Variants in KATNAL2 observed in about 807,000 individuals in gnomAD.
The protein encoded by KATNAL2 is katanin p60 ATPase-containing subunit A-like 2.
In KATNAL2, 52 loss-of-function variants were observed where a neutral mutation model predicts 76.3. That is an observed-to-expected ratio of 0.68 (90% CI 0.55 to 0.86). The LOEUF (loss-of-function observed/expected upper bound fraction) is 0.86. KATNAL2 is among the 40% of genes least tolerant of loss of function. KATNAL2 has a pLI of 0.00. For synonymous variants in KATNAL2, 243 were observed against 244.2 expected (o/e 1.00, Z 0.05); for missense variants, 660 against 668.9 (o/e 0.99, Z 0.15).
intron 6 of KATNAL2, chr18:47,054,706 A>G (rs888703937): frequency 5.3e-6 from 2 of 377,844 alleles, no homozygotes; most frequent in Non-Finnish European, 9.4e-6. Flanking sequence ...CTTAACCTCA[A>G]AGGTTAAAAG....
intron 3 of KATNAL2, among the ~76,000 whole-genome samples, chr18:47,043,565 T>C (rs1001143972): frequency 4.6e-5 from 7 of 152,152 alleles, no homozygotes; most frequent in African/African-American, 1.7e-4. Flanking sequence ...ATTCAGTTTC[T>C]AGGGGATCCA....
chr18:47,043,245 A>AAAAAAAAAAAAAAAAAAAAGAT (rs376877321), intron 3 of KATNAL2, among the ~76,000 whole-genome samples: 1 of 93,176 alleles, frequency 1.1e-5, no homozygotes, highest in Non-Finnish European at 2.1e-5. Flanking sequence ...AAAAAAAAAA[A>AAAAAAAAAAAAAAAAAAAAGAT]GAGATCCTAA....
rs1233743485 is a variant in KATNAL2, at chr18:46,946,219, G to GA, written c.-340dup. 8.7e-5 allele frequency: 93 copies of GA among 1,073,338 alleles called. No individual in the cohort carries two copies. Among genetic ancestry groups the GA allele is most frequent in the Non-Finnish European group, 9.9e-5 (87 of 878,512 alleles). The allele number at this position is 1,073,338 out of a possible 1,614,324, so 66.5% of individuals were successfully genotyped here. ...TGAAGAAACAGACTAGTTAACACAT[G>GA]AAAAAAATAGAGCAGAGGAAAACAC... On this transcript the variant is annotated 5_prime_UTR_variant, in exon 2 of 18. An upstream open reading frame in the 5' UTR gains an earlier in-frame stop. Coordinates refer to ENST00000683218, the MANE Select transcript of KATNAL2 (RefSeq NM_001387690.1).
At chr18:46,961,096 T>C (rs955792139) in intron 3 of KATNAL2, among the ~76,000 whole-genome samples, 1 of 152,260 alleles carries the variant, frequency 6.6e-6, no homozygotes, top group African/African-American at 2.4e-5. Context: ...TGCTTCCTCA[T>C]ACAATGTCTG....
intron 3 of KATNAL2, among the ~76,000 whole-genome samples, chr18:46,958,965 T>C (rs552299263): frequency 6.6e-6 from 1 of 152,232 alleles, no homozygotes; most frequent in African/African-American, 2.4e-5. Context: ...CCTTTTATAT[T>C]ACAAAATATC....
At chr18:46,954,816 G>T (rs1326054066) in intron 3 of KATNAL2, among the ~76,000 whole-genome samples, 1 of 151,562 alleles carries the variant, frequency 6.6e-6, no homozygotes, top group Non-Finnish European at 1.5e-5. Flanking sequence ...GCTAATTTTC[G>T]TATTTTATTT....
Position 46,917,716 on chromosome 18 carries a change from C to T in KATNAL2, c.-720C>T, listed in dbSNP as rs886369365. The T allele has an allele frequency of 3.0e-5, 9 of 297,228 alleles. 1 individual carries two copies. Among genetic ancestry groups the T allele is most frequent in the Middle Eastern group, 3.4e-3 (2 of 580 alleles). 18.4% of individuals were successfully genotyped at this position (297,228 alleles called of 1,614,324 possible). On this transcript the variant is annotated 5_prime_UTR_variant, in exon 1 of 18. Coordinates refer to ENST00000683218, the MANE Select transcript of KATNAL2 (RefSeq NM_001387690.1). ...CCCCGGCGGAGGCCCCTGCGGACTG[C>T]CTAGAGCTGGGTCGCAACTGAGGCG... is the stretch of plus-strand genomic sequence containing the variant.
chr18:47,032,663 G>GA (rs60364237), intron 3 of KATNAL2: 4,073 of 323,472 alleles, frequency 0.013, 1 homozygote, highest in East Asian at 0.029. Flanking sequence ...ACTTGATTTC[G>GA]AAAAAAAAAA....
intron 3 of KATNAL2, chr18:47,034,821 A>T: frequency 6.2e-7 from 1 of 1,612,036 alleles, no homozygotes; most frequent in South Asian, 1.1e-5. Context: ...TGGGCTCGCG[A>T]CTGTGAGACC....
intron 3 of KATNAL2, among the ~76,000 whole-genome samples, chr18:46,961,407 G>A (rs2059945552): frequency 6.6e-6 from 1 of 152,306 alleles, no homozygotes; most frequent in Non-Finnish European, 1.5e-5. Flanking sequence ...CTCTGTACAT[G>A]ATAGAGTGAC....
chr18:46,965,679 C>T (rs1238080942), intron 3 of KATNAL2, among the ~76,000 whole-genome samples: 2 of 123,794 alleles, frequency 1.6e-5, no homozygotes, highest in South Asian at 5.2e-4. Context: ...GTAGCCATGG[C>T]TTCGTGCTTG....
At chr18:47,058,499 C>T in intron 7 of KATNAL2, 147 bp downstream of exon 7, 2 of 596,486 alleles carry the variant, frequency 3.4e-6, no homozygotes, top group Non-Finnish European at 6.0e-6. Context: ...TCTTCCAGTA[C>T]ACTGGACTAA....
At chr18:46,932,673 CAAAAA>C (rs1162695359) in intron 1 of KATNAL2, among the ~76,000 whole-genome samples, 2 of 42,850 alleles carry the variant, frequency 4.7e-5, no homozygotes, top group African/African-American at 1.8e-4. Flanking sequence ...GACTCTGTCT[CAAAAA>C]AAAAAAAAAA....
At chr18:46,949,974 C>T (rs1273239892) in intron 3 of KATNAL2, among the ~76,000 whole-genome samples, 1 of 151,978 alleles carries the variant, frequency 6.6e-6, no homozygotes, top group Non-Finnish European at 1.5e-5. Flanking sequence ...TGGGATAAAC[C>T]CTCCAAATCT....
intron 15 of KATNAL2, among the ~76,000 whole-genome samples, chr18:47,083,695 C>A (rs1399977863): frequency 2.0e-5 from 3 of 152,090 alleles, no homozygotes; most frequent in Admixed American, 2.0e-4. Flanking sequence ...AAATGCTGCA[C>A]CTTCAATATT....
rs1422576297 is a variant in KATNAL2, at chr18:47,035,185, A to T, written c.52-11272A>T. The stretch of plus-strand genomic sequence containing the variant: ...GGAGAGTTTCTGCAAATATTTCTCT[A>T]GCTTTTTCGGCTCCGTCTTAGTGGC... On this transcript the variant is annotated intron_variant, in intron 3 of 17. Transcript: ENST00000683218. The T allele has an allele frequency of 1.9e-6, 3 of 1,612,306 alleles. No homozygotes were observed. The highest frequency in any genetic ancestry group is 2.2e-5 in the East Asian group (1 of 44,866).
rs2060726469 is a variant in KATNAL2 at position 47,035,439 on chromosome 18, T to C, written c.52-11018T>C. On this transcript the variant is annotated intron_variant, in intron 3 of 17. Coordinates refer to ENST00000683218, the MANE Select transcript of KATNAL2 (RefSeq NM_001387690.1). ...GTCCTCGGAGCAGCAGGCCACTTGGTCTGGAACGGCCGTCCTTGCAGACAG... is the reference window on the plus strand; with the variant it reads ...GTCCTCGGAGCAGCAGGCCACTTGGCCTGGAACGGCCGTCCTTGCAGACAG... The C allele has an allele frequency of 1.1e-5, 15 of 1,381,128 alleles. No individual in the cohort carries two copies. The South Asian group carries it at 1.9e-4, about 18-fold the overall frequency. The allele number at this position is 1,381,128 out of a possible 1,614,324, so 85.6% of individuals were successfully genotyped here. A position where few individuals can be genotyped will look rare whatever the true frequency, so the allele number is the denominator to read the frequency against.
chr18:46,964,877 G>A (rs143641868), intron 3 of KATNAL2, among the ~76,000 whole-genome samples: 3,469 of 105,322 alleles, frequency 0.033, 1 homozygote, highest in Admixed American at 0.064. Context: ...GGGTCATTAG[G>A]TTAATTGCAG....
At chr18:47,031,888 C>T (rs2060477023) in intron 3 of KATNAL2, among the ~76,000 whole-genome samples, 1 of 152,036 alleles carries the variant, frequency 6.6e-6, no homozygotes, top group Middle Eastern at 3.2e-3. Context: ...TGGCTTTTTT[C>T]CTGTGTGTGT....
Sources: gnomAD v4.1 joint callset for allele counts (sites outside exome capture counted in the v4.1 genomes callset) on GRCh38, gnomAD v4.1.1 for gene constraint, MANE v1.5 for transcripts, NCBI Gene and HGNC (gene_info 2026-07-23, HGNC 2026-07-21) for gene names.